VRK2: variants seen among roughly 807,000 people sequenced by gnomAD.
VRK2 encodes VRK serine/threonine kinase 2.
VRK2 carries 60 observed loss-of-function variants against 57.6 expected under a neutral mutation model. The observed-to-expected ratio is 1.04, with a 90% CI of 0.85 to 1.29. VRK2 has a LOEUF of 1.29. Ranked by LOEUF, VRK2 falls within the 50% of genes most tolerant of loss-of-function variation. VRK2 has a pLI of 0.00. For synonymous variants in VRK2, 231 were observed against 199.2 expected (o/e 1.16, Z -1.35); for missense variants, 705 against 588.1 (o/e 1.20, Z -2.06).
Position 58,084,970 on chromosome 2 carries a change from C to T in VRK2, c.256+20C>T, listed in dbSNP as rs372336387. On this transcript the variant is annotated intron_variant, in intron 4 of 12. Transcript: ENST00000340157. ...ACTGTAGTAAGTAAAATTAGCAAAG[C>T]AAGCTACTTCCATATATGTGCTTGC... 23 of 1,559,716 alleles carry T rather than the reference C, an allele frequency of 1.5e-5. No homozygotes were observed. The African/African-American group carries it at 1.9e-4, about 13-fold the overall frequency.
At chr2:57,966,471 C>T (rs1468038462) in intron 1 of VRK2, among the ~76,000 whole-genome samples, 1 of 152,132 alleles carries the variant, frequency 6.6e-6, no homozygotes, top group Non-Finnish European at 1.5e-5. Context: ...GACTGCCTTC[C>T]AGTTTGGTTC....
intron 1 of VRK2, among the ~76,000 whole-genome samples, chr2:57,917,804 A>ATT (rs1420762726): frequency 6.6e-6 from 1 of 152,018 alleles, no homozygotes; most frequent in African/African-American, 2.4e-5. Context: ...TTTTACATGC[A>ATT]ATCCCTATAA....
chr2:58,116,459 GC>G (rs951571454), intron 7 of VRK2, among the ~76,000 whole-genome samples: 2 of 152,050 alleles, frequency 1.3e-5, no homozygotes, highest in East Asian at 1.9e-4. Context: ...GTCTAAGTTG[GC>G]ACCAGAGTTG....
chr2:57,954,266 T>C (rs1671514737), intron 1 of VRK2, among the ~76,000 whole-genome samples: 1 of 152,178 alleles, frequency 6.6e-6, no homozygotes, highest in South Asian at 2.1e-4. Flanking sequence ...CTGAAGGAAG[T>C]AATCCATATG....
intron 1 of VRK2, among the ~76,000 whole-genome samples, chr2:57,979,636 T>C (rs1171945169): frequency 6.6e-6 from 1 of 152,120 alleles, no homozygotes; most frequent in Non-Finnish European, 1.5e-5. Context: ...TCTTTATATA[T>C]CTGCTAAAAT....
At chr2:58,012,703 C>G (rs1226521663) in intron 1 of VRK2, among the ~76,000 whole-genome samples, 1 of 152,152 alleles carries the variant, frequency 6.6e-6, no homozygotes, top group African/African-American at 2.4e-5. Context: ...TTATAAATAA[C>G]AAAATACACA....
At chr2:57,971,187 T>C (rs1298746165) in intron 1 of VRK2, among the ~76,000 whole-genome samples, 2 of 151,920 alleles carry the variant, frequency 1.3e-5, no homozygotes, top group East Asian at 3.9e-4. Flanking sequence ...AGGGAAAAGG[T>C]ATGTGGGACA....
chr2:58,002,960 C>A (rs73942273), intron 1 of VRK2, among the ~76,000 whole-genome samples: 1 of 152,030 alleles, frequency 6.6e-6, no homozygotes, highest in Non-Finnish European at 1.5e-5. Flanking sequence ...TAAATTCATG[C>A]CACTTATATA....
chr2:57,939,413 C>T (rs1671020775), intron 1 of VRK2, among the ~76,000 whole-genome samples: 1 of 152,092 alleles, frequency 6.6e-6, no homozygotes, highest in Non-Finnish European at 1.5e-5. Context: ...TATATCATCT[C>T]CAGCTACCAG....
chr2:57,995,641 CTGTT>C (rs142948045), intron 1 of VRK2, among the ~76,000 whole-genome samples: 33 of 152,296 alleles, frequency 2.2e-4, no homozygotes, highest in African/African-American at 2.9e-4. Flanking sequence ...AAGGCTTACT[CTGTT>C]TGAGTGTGCA....
chr2:57,929,285 G>T (rs1466780146), intron 1 of VRK2, among the ~76,000 whole-genome samples: 2 of 152,074 alleles, frequency 1.3e-5, no homozygotes, highest in Non-Finnish European at 2.9e-5. Context: ...GAGTCCTTCT[G>T]ACTTTTCTTT....
intron 1 of VRK2, among the ~76,000 whole-genome samples, chr2:57,921,286 G>GCACACACA (rs34924125): frequency 4.7e-5 from 7 of 148,036 alleles, no homozygotes; most frequent in African/African-American, 1.7e-4. Context: ...TCTTAAGCGC[G>GCACACACA]CACACACACA....
intron 1 of VRK2, among the ~76,000 whole-genome samples, chr2:57,926,995 T>A (rs1202454278): frequency 7.7e-6 from 1 of 129,902 alleles, no homozygotes; most frequent in Non-Finnish European, 1.6e-5. Flanking sequence ...ATGTTTTAAT[T>A]TCTTGTGTGT....
At chr2:57,913,114 T>G (rs2103886999) in intron 1 of VRK2, among the ~76,000 whole-genome samples, 1 of 152,252 alleles carries the variant, frequency 6.6e-6, no homozygotes, top group African/African-American at 2.4e-5. Flanking sequence ...TCTATGATAT[T>G]TTTGTTATAG....
At chr2:57,935,645 CTCTCT>C (rs1670881724) in intron 1 of VRK2, among the ~76,000 whole-genome samples, 1 of 151,924 alleles carries the variant, frequency 6.6e-6, no homozygotes, top group Non-Finnish European at 1.5e-5. Context: ...GGTCTGTGAC[CTCTCT>C]TCTCTGCTCT....
chr2:57,945,289 C>G (rs979555122), intron 1 of VRK2, among the ~76,000 whole-genome samples: 2 of 152,100 alleles, frequency 1.3e-5, no homozygotes, highest in Non-Finnish European at 2.9e-5. Context: ...TATGTGCCTC[C>G]TTAAATTTCC....
At chr2:58,123,334 G>A in intron 8 of VRK2, 101 bp downstream of exon 8, 1 of 1,393,278 alleles carries the variant, frequency 7.2e-7, no homozygotes, top group Non-Finnish European at 9.6e-7. Flanking sequence ...TCAGTTTGAA[G>A]CATAAGAGCA....
intron 1 of VRK2, among the ~76,000 whole-genome samples, chr2:57,958,523 G>T (rs997920411): frequency 5.6e-4 from 85 of 151,448 alleles, no homozygotes; most frequent in African/African-American, 2.0e-3. Context: ...ACATATATAT[G>T]ATTGTATTTA....
chr2:58,094,189 C>A (rs1672792675), intron 7 of VRK2, among the ~76,000 whole-genome samples: 1 of 152,010 alleles, frequency 6.6e-6, no homozygotes, highest in African/African-American at 2.4e-5. Context: ...TAGTTTTTTC[C>A]AATTCTGTGA....
Sources: gnomAD v4.1 joint callset for allele counts (sites outside exome capture counted in the v4.1 genomes callset) on GRCh38, gnomAD v4.1.1 for gene constraint, MANE v1.5 for transcripts, NCBI Gene and HGNC (gene_info 2026-07-23, HGNC 2026-07-21) for gene names.